PRKCE: variants seen among roughly 807,000 people sequenced by gnomAD.
PRKCE encodes the protein protein kinase C epsilon, also known as protein kinase C epsilon type.
Under a neutral mutation model 85.4 loss-of-function variants are expected in PRKCE, and 16 were observed. The ratio of observed to expected loss-of-function variants is 0.19; its 90% confidence interval spans 0.13 to 0.28. The LOEUF (loss-of-function observed/expected upper bound fraction) is 0.28. Ranked by LOEUF, PRKCE falls within the 10% of genes least tolerant of loss-of-function variation. The pLI is 1.00. For synonymous variants in PRKCE, 388 were observed against 371.5 expected, an observed-to-expected ratio of 1.04 and a Z score of -0.51; for missense variants, 573 against 975.2, an observed-to-expected ratio of 0.59 and a Z score of 5.49.
chr2:45,884,686 T>C (rs541697737), intron 2 of PRKCE, among the ~76,000 whole-genome samples: 2 of 152,314 alleles, frequency 1.3e-5, no homozygotes, highest in East Asian at 3.9e-4. Flanking sequence ...TTAGAGTTCC[T>C]GGCCTGTGGG....
intron 14 of PRKCE, among the ~76,000 whole-genome samples, chr2:46,171,792 C>T (rs910028604): frequency 6.6e-6 from 1 of 152,286 alleles, no homozygotes; most frequent in East Asian, 1.9e-4. Context: ...TAAGGCTGTC[C>T]CAGGCACTGA....
At chr2:45,711,855 C>A (rs1020313729) in intron 1 of PRKCE, among the ~76,000 whole-genome samples, 4 of 152,176 alleles carry the variant, frequency 2.6e-5, no homozygotes, top group African/African-American at 9.7e-5. Context: ...GATCTCCTGA[C>A]CTCATGATCT....
chr2:46,120,375 A>T (rs1336656553), intron 11 of PRKCE, among the ~76,000 whole-genome samples: 1 of 152,160 alleles, frequency 6.6e-6, no homozygotes, highest in Non-Finnish European at 1.5e-5. Context: ...GAGGCCAAGG[A>T]TACTGGTAAA....
rs1307861681 is a variant in PRKCE, at chr2:46,139,650, C to T, written c.1593-5443C>T. 6.6e-6 allele frequency among the ~76,000 whole-genome samples: 1 copy of T among 150,702 alleles called. No homozygotes were observed. The highest frequency in any genetic ancestry group is 2.5e-5 in the African/African-American group (1 of 40,778). On this transcript the variant is annotated intron_variant, in intron 11 of 14. Transcript: ENST00000306156. This position sits in a 1 kb window ranked among gnomAD's most constrained non-coding sequence, Gnocchi z 5.2. ...ATTATGTCCTCATTCATGCAATATA[C>T]AGAATATATAGAGGAACATATATAT... is the stretch of plus-strand genomic sequence containing the variant.
At chr2:46,006,483 GGGACTCT>G (rs2104768488) in intron 8 of PRKCE, among the ~76,000 whole-genome samples, 1 of 152,282 alleles carries the variant, frequency 6.6e-6, no homozygotes, top group African/African-American at 2.4e-5. Context: ...AAGCCCTTAT[GGGACTCT>G]GTCCTTCTGA....
intron 2 of PRKCE, among the ~76,000 whole-genome samples, chr2:45,884,075 C>G (rs373515728): frequency 8.6e-4 from 131 of 152,298 alleles, no homozygotes; most frequent in African/African-American, 3.0e-3. Context: ...CTCCCTGTTA[C>G]AGTTTTTAGA....
intron 2 of PRKCE, among the ~76,000 whole-genome samples, chr2:45,926,913 G>A (rs1698662964): frequency 6.6e-6 from 1 of 152,148 alleles, no homozygotes; most frequent in Non-Finnish European, 1.5e-5. Flanking sequence ...GAACATGTGT[G>A]AGTGTGGATA....
At chr2:45,855,168 T>A (rs954277950) in intron 2 of PRKCE, among the ~76,000 whole-genome samples, 1 of 152,208 alleles carries the variant, frequency 6.6e-6, no homozygotes, top group African/African-American at 2.4e-5. Flanking sequence ...CTAATGATCT[T>A]TTGTAAGATC....
At chr2:45,869,361 C>T (rs980887757) in intron 2 of PRKCE, among the ~76,000 whole-genome samples, 31 of 152,232 alleles carry the variant, frequency 2.0e-4, no homozygotes, top group African/African-American at 7.2e-4. Context: ...GGAATCCATT[C>T]TCTGTCCTGG....
intron 1 of PRKCE, among the ~76,000 whole-genome samples, chr2:45,828,718 C>G (rs762093310): frequency 6.6e-6 from 1 of 151,898 alleles, no homozygotes; most frequent in Non-Finnish European, 1.5e-5. Context: ...CCTCAGTTTC[C>G]TTACCTATAA....
chr2:46,087,396 A>G (rs1669750075), intron 11 of PRKCE, among the ~76,000 whole-genome samples: 1 of 152,132 alleles, frequency 6.6e-6, no homozygotes, highest in Non-Finnish European at 1.5e-5. Context: ...CCTCTGAAAG[A>G]TATCCAGGTC....
chr2:45,946,532 G>C (rs1700255880), intron 2 of PRKCE, among the ~76,000 whole-genome samples: 1 of 152,122 alleles, frequency 6.6e-6, no homozygotes, highest in Admixed American at 6.5e-5. Context: ...TCCAGCTCTT[G>C]TTCAAACAAG....
chr2:46,120,721 T>A (rs893786808), intron 11 of PRKCE, among the ~76,000 whole-genome samples: 1 of 152,228 alleles, frequency 6.6e-6, no homozygotes, highest in Admixed American at 6.5e-5. Context: ...TTCCTTTCTC[T>A]ACTCAACACG....
intron 2 of PRKCE, among the ~76,000 whole-genome samples, chr2:45,960,873 C>G (rs1057136940): frequency 1.3e-5 from 2 of 152,162 alleles, no homozygotes; most frequent in African/African-American, 2.4e-5. Context: ...GTTTTCCTAC[C>G]TGCCCAGCAC....
chr2:45,753,552 G>A lies in PRKCE; in HGVS notation c.349-89448G>A, dbSNP rs1683757566. Among the ~76,000 whole-genome samples, 3 of 151,510 alleles carry A rather than the reference G, an allele frequency of 2.0e-5. No homozygotes were observed. In the South Asian group the frequency reaches 6.3e-4, roughly 32 times the overall value. ...TTGTGGCCAGCTGTCATTCCAGGGT[G>A]TGCTGAGCCCGCCTTGAGACTGACC... On this transcript the variant is annotated intron_variant, in intron 1 of 14. Coordinates refer to ENST00000306156, the MANE Select transcript of PRKCE (RefSeq NM_005400.3).
At position 45,976,470 on chromosome 2, in the gene PRKCE, C is replaced by T. The variant is rs751913256; in HGVS notation, c.454C>T (p.Arg152Trp). 22 of 1,599,622 alleles carry T rather than the reference C, an allele frequency of 1.4e-5. No homozygotes were observed. Among genetic ancestry groups the T allele is most frequent in the Admixed American group, 8.3e-5 (5 of 60,006 alleles). The change falls in exon 3 of 15, where the codon CGG (arginine) becomes TGG (tryptophan). Residue 152 changes from arginine (R) to tryptophan (W), a missense_variant. Physicochemically the swap from Arg to Trp is moderately radical, Grantham distance 101. Transcript: ENST00000306156. ...AGAGCGTGTGTTCAGGGAACGCATG[C>T]GGCCGAGGAAGCGGCAGGGGGCCGT... ...NEERVFRERM[R>W]PRKRQGAVRR...
intron 14 of PRKCE, among the ~76,000 whole-genome samples, chr2:46,179,632 A>G (rs1442171660): frequency 2.0e-5 from 3 of 152,168 alleles, no homozygotes; most frequent in Non-Finnish European, 4.4e-5. Flanking sequence ...GTCCCTAAAC[A>G]TATCTGTCTT....
At chr2:46,156,005 A>T (rs191328556) in intron 13 of PRKCE, among the ~76,000 whole-genome samples, 10,700 of 132,384 alleles carry the variant, frequency 0.081, 339 homozygotes, top group African/African-American at 0.11. Context: ...TAAAGTATAT[A>T]AAAAAAAAAA....
At chr2:45,819,404 AG>A (rs1464331237) in intron 1 of PRKCE, among the ~76,000 whole-genome samples, 1 of 152,176 alleles carries the variant, frequency 6.6e-6, no homozygotes, top group East Asian at 1.9e-4. Context: ...TGGGGCTGTC[AG>A]GGAGAACACC....
Sources: allele counts gnomAD v4.1 joint callset (sites outside exome capture counted in the v4.1 genomes callset), GRCh38; gene constraint gnomAD v4.1.1; non-coding constraint Gnocchi (gnomAD v3.1); transcripts MANE v1.5; gene names NCBI Gene and HGNC (gene_info 2026-07-23, HGNC 2026-07-21).